The following RASA1 variants were observed in gnomAD, a reference collection of about 807,000 sequenced individuals.
The protein encoded by RASA1 is ras GTPase-activating protein 1.
Under a neutral mutation model 132.2 loss-of-function variants are expected in RASA1, and 25 were observed. The ratio of observed to expected loss-of-function variants is 0.19; its 90% confidence interval spans 0.14 to 0.26. RASA1 has a LOEUF of 0.26. Among genes scored for constraint, RASA1 ranks in the 10% least tolerant of loss-of-function variants. The probability of loss-of-function intolerance (pLI) is 1.00; values close to 1 mark genes in which losing one functional copy is unlikely to be tolerated. For synonymous variants in RASA1, 477 were observed against 449.9 expected (o/e 1.06, Z -0.76); for missense variants, 964 against 1,299.2 (o/e 0.74, Z 3.97).
In RASA1 at chr5:87,353,250, T is replaced by C. The variant is rs1759411560; in HGVS notation, c.1332+15T>C. 6.4e-7 allele frequency: 1 copy of C among 1,565,532 alleles called. No individual in the cohort carries two copies. The highest frequency in any genetic ancestry group is 1.7e-5 in the Admixed American group (1 of 59,734). On this transcript the variant is annotated intron_variant, in intron 9 of 24. Transcript: ENST00000274376. ...TACCAATGCAGGTCAGTGTTGCATT[T>C]CTTATTGCAATAATTAGCATTTTAT...
chr5:87,313,630 G>C (rs1756091914), intron 1 of RASA1, among the ~76,000 whole-genome samples: 1 of 152,150 alleles, frequency 6.6e-6, no homozygotes, highest in Non-Finnish European at 1.5e-5. Flanking sequence ...GTATCCACAA[G>C]TAACTTTTTA....
At chr5:87,321,637 G>A (rs1756816912) in intron 1 of RASA1, among the ~76,000 whole-genome samples, 1 of 152,284 alleles carries the variant, frequency 6.6e-6, no homozygotes, top group Admixed American at 6.5e-5. Context: ...GGATGCCATA[G>A]GGCAAGGTCT....
intron 1 of RASA1, among the ~76,000 whole-genome samples, chr5:87,298,432 A>G (rs1032203747): frequency 6.6e-6 from 1 of 151,562 alleles, no homozygotes; most frequent in Admixed American, 6.6e-5. Flanking sequence ...AAAAAAAAGA[A>G]GAAGAAACAG....
chr5:87,336,459 T>G (rs865846232), intron 4 of RASA1, among the ~76,000 whole-genome samples: 1 of 152,136 alleles, frequency 6.6e-6, no homozygotes, highest in Non-Finnish European at 1.5e-5. Context: ...TTAAAAAGTT[T>G]ATACACACCT....
At chr5:87,313,942 C>T (rs1182376345) in intron 1 of RASA1, among the ~76,000 whole-genome samples, 6 of 151,950 alleles carry the variant, frequency 3.9e-5, no homozygotes, top group Admixed American at 1.3e-4. Flanking sequence ...CTGAGGTGGG[C>T]GGATCACCTG....
chr5:87,370,494 C>G (rs79487142), intron 12 of RASA1, among the ~76,000 whole-genome samples: 1,817 of 152,250 alleles, frequency 0.012, 28 homozygotes, highest in African/African-American at 0.041. Context: ...GAACCCACCT[C>G]TATAACAAAA....
At chr5:87,358,315 C>T (rs1759806560) in intron 9 of RASA1, among the ~76,000 whole-genome samples, 1 of 152,174 alleles carries the variant, frequency 6.6e-6, no homozygotes, top group Non-Finnish European at 1.5e-5. Flanking sequence ...ATTTTAAGCA[C>T]TGTTTTTTAT....
chr5:87,335,470 G>A (rs1757907148), intron 4 of RASA1, among the ~76,000 whole-genome samples: 1 of 133,616 alleles, frequency 7.5e-6, no homozygotes, highest in African/African-American at 2.9e-5. Flanking sequence ...TTGTCACCCA[G>A]GCTGGAGTGC....
chr5:87,353,652 C>T (rs369122937), intron 9 of RASA1, among the ~76,000 whole-genome samples: 26 of 152,090 alleles, frequency 1.7e-4, no homozygotes, highest in African/African-American at 3.9e-4. Flanking sequence ...TGTAGTTTTA[C>T]GGTGAGAGGA....
At chr5:87,341,031 T>G (rs1477170184) in intron 5 of RASA1, among the ~76,000 whole-genome samples, 1 of 151,160 alleles carries the variant, frequency 6.6e-6, no homozygotes, top group African/African-American at 2.4e-5. Flanking sequence ...CAGATTAGAG[T>G]GGTGGAGTAG....
At chr5:87,287,572 ACACAC>A (rs1754688725) in intron 1 of RASA1, among the ~76,000 whole-genome samples, 3 of 149,560 alleles carry the variant, frequency 2.0e-5, no homozygotes, top group African/African-American at 7.3e-5. Context: ...CCATACATAT[ACACAC>A]CATATATATA....
intron 7 of RASA1, among the ~76,000 whole-genome samples, chr5:87,347,014 CTG>C (rs1279502439): frequency 2.0e-5 from 3 of 152,046 alleles, no homozygotes; most frequent in Admixed American, 1.3e-4. Flanking sequence ...TTCTGTGTCT[CTG>C]TGAATCTTTC....
intron 9 of RASA1, among the ~76,000 whole-genome samples, chr5:87,354,277 T>A (rs1759491741): frequency 6.6e-6 from 1 of 152,166 alleles, no homozygotes; most frequent in Non-Finnish European, 1.5e-5. Flanking sequence ...TAGTTTTTTT[T>A]ACAAATTGAA....
chr5:87,270,642 C>A (rs568624330), intron 1 of RASA1, among the ~76,000 whole-genome samples: 1 of 138,108 alleles, frequency 7.2e-6, no homozygotes, highest in Non-Finnish European at 1.5e-5. Context: ...CCACGGTGCC[C>A]GGCCTTTTTT....
chr5:87,312,481 A>G lies in RASA1; in HGVS notation c.540-18867A>G, dbSNP rs1308975793. Among the ~76,000 whole-genome samples, 5 of 152,210 alleles carry G rather than the reference A, an allele frequency of 3.3e-5. No individual in the cohort carries two copies. The East Asian group carries it at 5.8e-4, about 18-fold the overall frequency. ...AAACATTTAAGATTTTCTGAGTTCT[A>G]ATTTCTAATACAGTAAATATTGACA... On this transcript the variant is annotated intron_variant, in intron 1 of 24. Coordinates refer to ENST00000274376, the MANE Select transcript of RASA1 (RefSeq NM_002890.3).
At chr5:87,362,941 G>A (rs1308014676) in intron 10 of RASA1, among the ~76,000 whole-genome samples, 1 of 150,396 alleles carries the variant, frequency 6.6e-6, no homozygotes, top group Non-Finnish European at 1.5e-5. Flanking sequence ...ATGGCACATG[G>A]CACATTCATA....
At position 87,268,568 on chromosome 5, in the gene RASA1, C is replaced by A; in HGVS notation, c.117C>A (p.Pro39=). 1 of 1,607,302 alleles carries A rather than the reference C, an allele frequency of 6.2e-7. No homozygotes were observed. The highest frequency in any genetic ancestry group is 8.5e-7 in the Non-Finnish European group (1 of 1,177,922). ...CCGCAGTGTGTCGGGTGAAGATACC[C>A]GCGGCCCTGCCTGTGGCAGCCGCCC... is the stretch of plus-strand genomic sequence containing the variant. The part of the protein sequence containing the change: ...AYPAVCRVKI[P]AALPVAAAPY... Residue 39 remains proline (P), a synonymous_variant, in exon 1 of 25, where the codon CCC becomes CCA. Transcript: ENST00000274376.
chr5:87,281,244 T>A (rs908254621), intron 1 of RASA1, among the ~76,000 whole-genome samples: 3 of 139,740 alleles, frequency 2.1e-5, no homozygotes, highest in Non-Finnish European at 4.7e-5. Context: ...TTGCCAACAC[T>A]TTTTTTTTTT....
In RASA1 at chr5:87,353,340, A is replaced by T. The variant is rs1759420135; in HGVS notation, c.1332+105A>T. On this transcript the variant is annotated intron_variant, in intron 9 of 24. Coordinates refer to ENST00000274376, the MANE Select transcript of RASA1 (RefSeq NM_002890.3). ...GTACAATTCAAATTGGATACAACTT[A>T]AAACTACAGATTATTTAGATTTTTT... The T allele has an allele frequency of 4.5e-6, 4 of 886,974 alleles. No individual in the cohort carries two copies. The East Asian group carries it at 1.1e-4, about 23-fold the overall frequency. The allele number at this position is 886,974 out of a possible 1,614,324, so 54.9% of individuals were successfully genotyped here.
Sources: allele counts gnomAD v4.1 joint callset (sites outside exome capture counted in the v4.1 genomes callset), GRCh38; gene constraint gnomAD v4.1.1; transcripts MANE v1.5; gene names NCBI Gene and HGNC (gene_info 2026-07-23, HGNC 2026-07-21).